Variants in DNAI4 observed in about 807,000 individuals in gnomAD.
The protein encoded by DNAI4 is WD repeat domain 78.
In DNAI4, 85 loss-of-function variants were observed where a neutral mutation model predicts 105.8. The observed-to-expected ratio is 0.80, with a 90% confidence interval of 0.67 to 0.96. The LOEUF is 0.96. Ranked by LOEUF, DNAI4 falls within the 40% of genes least tolerant of loss-of-function variation. The pLI is 0.00. For missense variants in DNAI4, 1,014 were observed against 1,005.6 expected, an observed-to-expected ratio of 1.01 and a Z score of -0.11; for synonymous variants, 352 against 331.5, an observed-to-expected ratio of 1.06 and a Z score of -0.67.
chr1:66,914,147 A>G (rs1398888068), intron 1 of DNAI4, among the ~76,000 whole-genome samples: 2 of 152,194 alleles, frequency 1.3e-5, no homozygotes, highest in Non-Finnish European at 2.9e-5. Context: ...TGGGAAATAA[A>G]TAATCTAAGA....
At chr1:66,917,165 T>C (rs1382997548) in intron 1 of DNAI4, among the ~76,000 whole-genome samples, 1 of 152,214 alleles carries the variant, frequency 6.6e-6, no homozygotes, top group East Asian at 1.9e-4. Context: ...TGGGCTATAT[T>C]TGTATAAATG....
chr1:66,844,095 A>AC (rs1472485702), intron 8 of DNAI4, among the ~76,000 whole-genome samples: 3 of 147,878 alleles, frequency 2.0e-5, no homozygotes, highest in Non-Finnish European at 4.5e-5. Flanking sequence ...AAAAAAAAAA[A>AC]AAAAAAAAAA....
In DNAI4 at chr1:66,893,057, G is replaced by GAA. The variant is rs1557965213; in HGVS notation, c.530+171_530+172insTT. On this transcript the variant is annotated intron_variant, in intron 3 of 16. Transcript: ENST00000371026. Reference sequence around the variant, plus strand: ...GAGGAAAGAAAGAAAGAAAGAAAGAGAGAGAGAGAAAGAAAGAAAGAAAGA... The same window carrying GAA: ...GAGGAAAGAAAGAAAGAAAGAAAGAGAAAGAGAGAGAAAGAAAGAAAGAAAGA... Among the ~76,000 whole-genome samples, 104 of 91,386 alleles carry GAA rather than the reference G, an allele frequency of 1.1e-3. 8 individuals carry two copies. Among genetic ancestry groups the GAA allele is most frequent in the African/African-American group, 4.4e-3 (94 of 21,522 alleles). 60.0% of individuals were successfully genotyped at this position (91,386 alleles called of 152,430 possible). A position where few individuals can be genotyped will look rare whatever the true frequency, so the allele number is the denominator to read the frequency against.
At chr1:66,857,412 C>A (rs1646524917) in intron 7 of DNAI4, among the ~76,000 whole-genome samples, 1 of 151,350 alleles carries the variant, frequency 6.6e-6, no homozygotes, top group Non-Finnish European at 1.5e-5. Flanking sequence ...GTGCAGCACA[C>A]CAACTTGGCA....
intron 7 of DNAI4, among the ~76,000 whole-genome samples, chr1:66,851,771 C>A (rs1646401606): frequency 6.6e-6 from 1 of 151,806 alleles, no homozygotes; most frequent in Admixed American, 6.6e-5. Context: ...TTGTGGGATA[C>A]AGATAAAGCA....
intron 12 of DNAI4, 101 bp downstream of exon 12, chr1:66,833,887 TTTC>T (rs2100417415): frequency 7.0e-7 from 1 of 1,428,130 alleles, no homozygotes; most frequent in East Asian, 2.3e-5. Flanking sequence ...ACCCAATTTT[TTTC>T]TTATTGGCCA....
intron 4 of DNAI4, among the ~76,000 whole-genome samples, chr1:66,884,600 A>G (rs896581017): frequency 1.4e-4 from 21 of 152,098 alleles, no homozygotes; most frequent in African/African-American, 4.1e-4. Flanking sequence ...AGTTTTTTCA[A>G]TGTGTTGTGG....
intron 6 of DNAI4, among the ~76,000 whole-genome samples, chr1:66,867,299 T>C (rs1646753900): frequency 6.6e-6 from 1 of 152,248 alleles, no homozygotes; most frequent in East Asian, 1.9e-4. Flanking sequence ...GGTAATATGC[T>C]GGCACTTGTT....
intron 1 of DNAI4, among the ~76,000 whole-genome samples, chr1:66,918,282 G>A (rs1028679828): frequency 1.3e-5 from 2 of 152,178 alleles, no homozygotes; most frequent in South Asian, 4.1e-4. Flanking sequence ...CAAAACTATA[G>A]TAGACCTGTT....
chr1:66,913,956 C>A (rs1649865970), intron 1 of DNAI4, among the ~76,000 whole-genome samples: 1 of 150,148 alleles, frequency 6.7e-6, no homozygotes. Flanking sequence ...TGCACTCCAG[C>A]CTGGGCAACA....
In DNAI4 at chr1:66,826,989, A is replaced by C. The variant is rs1312966315; in HGVS notation, c.2170T>G (p.Ser724Ala). Residue 724 changes from serine to alanine, a missense_variant, in exon 15 of 17, where the codon TCT becomes GCT. Ser to Ala is a moderately conservative substitution (Grantham distance 99). Coordinates refer to ENST00000371026, the MANE Select transcript of DNAI4 (RefSeq NM_024763.5). Reference protein sequence around the residue: ...PFCHDVFLSCSADWGVIIWQQ... With the variant: ...PFCHDVFLSCAADWGVIIWQQ... ...CATATAATAACACCCCAATCTGCAG[A>C]ACAGCTTAAAAATACATCATGACAA... The C allele has an allele frequency of 1.2e-6, 2 of 1,614,146 alleles. No individual in the cohort carries two copies. Among genetic ancestry groups the C allele is most frequent in the South Asian group, 2.2e-5 (2 of 91,080 alleles).
At position 66,905,274 on chromosome 1, in the gene DNAI4, A is replaced by G. The variant is rs751842407; in HGVS notation, c.272T>C (p.Val91Ala). Residue 91 changes from valine to alanine, a missense_variant, in exon 2 of 17, where the codon GTG becomes GCG. Transcript: ENST00000371026. Reference sequence around the variant, plus strand: ...AGGTGGAATAAGCACGGTTTTGGACACAGCCATTCTGCTTTGATTTGCACC... The same window carrying G: ...AGGTGGAATAAGCACGGTTTTGGACGCAGCCATTCTGCTTTGATTTGCACC... ...YTGANQSRMA[V>A]SKTVLIPPEL... The G allele has an allele frequency of 8.2e-6, 13 of 1,586,474 alleles. No homozygotes were observed. The African/African-American group carries it at 1.6e-4, about 20-fold the overall frequency.
chr1:66,886,564 G>A (rs1397086534), intron 4 of DNAI4, among the ~76,000 whole-genome samples: 1 of 152,042 alleles, frequency 6.6e-6, no homozygotes, highest in Non-Finnish European at 1.5e-5. Flanking sequence ...TGGCTTTCAG[G>A]CTTCTCTTTG....
intron 1 of DNAI4, among the ~76,000 whole-genome samples, chr1:66,923,870 C>T (rs1450612750): frequency 6.6e-6 from 1 of 152,218 alleles, no homozygotes; most frequent in Non-Finnish European, 1.5e-5. Flanking sequence ...TAAAGTAAGA[C>T]AAGTCCACAC....
intron 7 of DNAI4, 154 bp from the exon 8 acceptor site, chr1:66,847,832 G>A: frequency 1.6e-6 from 1 of 609,900 alleles, no homozygotes; most frequent in Non-Finnish European, 2.8e-6. Context: ...TACGTACCAA[G>A]CACATGAAAG....
intron 7 of DNAI4, among the ~76,000 whole-genome samples, chr1:66,851,377 T>C (rs1646393822): frequency 6.6e-6 from 1 of 151,878 alleles, no homozygotes; most frequent in Non-Finnish European, 1.5e-5. Context: ...AATGGTTATA[T>C]AAAATTTTGA....
intron 1 of DNAI4, among the ~76,000 whole-genome samples, chr1:66,911,891 G>A (rs1425568688): frequency 4.6e-5 from 7 of 152,224 alleles, no homozygotes; most frequent in African/African-American, 1.7e-4. Flanking sequence ...GCCCAGGCTG[G>A]AGTGCAGTGG....
At chr1:66,858,654 T>C (rs1161155473) in intron 7 of DNAI4, among the ~76,000 whole-genome samples, 9 of 151,994 alleles carry the variant, frequency 5.9e-5, no homozygotes, top group Admixed American at 1.3e-4. Context: ...GCAAAGCTGG[T>C]TCAACATTCA....
At chr1:66,918,890 A>G (rs1053588167) in intron 1 of DNAI4, 1 of 160,902 alleles carries the variant, frequency 6.2e-6, no homozygotes, top group Non-Finnish European at 1.4e-5. Context: ...ACTGCTCAAG[A>G]CAAACCTGCC....
Sources: gnomAD v4.1 joint callset for allele counts (sites outside exome capture counted in the v4.1 genomes callset) on GRCh38, gnomAD v4.1.1 for gene constraint, MANE v1.5 for transcripts, NCBI Gene and HGNC (gene_info 2026-07-23, HGNC 2026-07-21) for gene names.